The following ZNF710 variants were observed in gnomAD, a reference collection of about 807,000 sequenced individuals.
ZNF710 encodes zinc finger protein 710.
Under a neutral mutation model 50.6 loss-of-function variants are expected in ZNF710, and 13 were observed. The ratio of observed to expected loss-of-function variants is 0.26; its 90% CI spans 0.17 to 0.41. ZNF710 has a LOEUF of 0.41. Among genes scored for constraint, ZNF710 ranks in the 10% least tolerant of loss-of-function variants. The probability of loss-of-function intolerance (pLI) is 1.00; values close to 1 mark genes in which losing one functional copy is unlikely to be tolerated. For synonymous variants in ZNF710, 383 were observed against 397.0 expected, an observed-to-expected ratio of 0.96 and a Z score of 0.42; for missense variants, 721 against 936.6, an observed-to-expected ratio of 0.77 and a Z score of 3.01.
Position 90,078,211 on chromosome 15 carries a change from C to CAAA in ZNF710, c.1826-1434_1826-1432dup, listed in dbSNP as rs35832666. 4.4e-3 allele frequency among the ~76,000 whole-genome samples: 516 copies of CAAA among 116,224 alleles called. 5 individuals are homozygous for CAAA. The highest frequency in any genetic ancestry group is 6.4e-3 in the Admixed American group (72 of 11,206). The allele number at this position is 116,224 out of a possible 152,430, so 76.2% of individuals were successfully genotyped here. A position where few individuals can be genotyped will look rare whatever the true frequency, so the allele number is the denominator to read the frequency against. On this transcript the variant is annotated intron_variant, in intron 4 of 4. Transcript: ENST00000268154. ...GGGCAACAAGAGCGAAACTCGGTCT[C>CAAA]AAAAAAAAAAAAAAAAAGAAGAGAA... is the stretch of plus-strand genomic sequence containing the variant.
Position 90,062,084 on chromosome 15 carries a change from G to C in ZNF710, c.-28-5026G>C, listed in dbSNP as rs555003511. On this transcript the variant is annotated intron_variant, in intron 1 of 4. Coordinates refer to ENST00000268154, the MANE Select transcript of ZNF710 (RefSeq NM_198526.4). This position sits in a 1 kb window ranked among gnomAD's most constrained non-coding sequence, Gnocchi z 5.6. Reference sequence around the variant, plus strand: ...GGAAATAGGGCAGTCCTGGGCTTCCGGTGTCACTGCACGCCCCTCCCCCTC... The same window carrying C: ...GGAAATAGGGCAGTCCTGGGCTTCCCGTGTCACTGCACGCCCCTCCCCCTC... 6.6e-6 allele frequency among the ~76,000 whole-genome samples: 1 copy of C among 151,814 alleles called. No homozygotes were observed. Among genetic ancestry groups the C allele is most frequent in the Non-Finnish European group, 1.5e-5 (1 of 67,922 alleles).
intron 1 of ZNF710, 78 bp downstream of exon 1, chr15:90,001,692 G>A (rs1488788686): frequency 7.0e-6 from 1 of 143,784 alleles, no homozygotes; most frequent in African/African-American, 2.5e-5. Context: ...GCGGGGGCGC[G>A]GGGGGCGCGG....
intron 1 of ZNF710, among the ~76,000 whole-genome samples, chr15:90,020,580 C>T (rs1022612684): frequency 1.3e-5 from 2 of 152,218 alleles, no homozygotes; most frequent in African/African-American, 2.4e-5. Flanking sequence ...AGGGACGTTT[C>T]GGTTTCTGTG....
At chr15:90,041,198 TTGTC>T (rs1387491191) in intron 1 of ZNF710, among the ~76,000 whole-genome samples, 1 of 152,108 alleles carries the variant, frequency 6.6e-6, no homozygotes, top group African/African-American at 2.4e-5. Context: ...TTCTCTTTGT[TTGTC>T]TGTTTGGTTG....
intron 1 of ZNF710, among the ~76,000 whole-genome samples, chr15:90,021,019 C>A (rs75331745): frequency 1.5e-4 from 6 of 40,406 alleles, no homozygotes; most frequent in Non-Finnish European, 3.7e-4. Flanking sequence ...ACCCCCCCCC[C>A]CTTAGCAGCC....
At chr15:90,000,798 G>T (rs1397843372), upstream of ZNF710, among the ~76,000 whole-genome samples, 1 of 152,060 alleles carries the variant, frequency 6.6e-6, no homozygotes, top group Non-Finnish European at 1.5e-5. Context: ...CCCAGGAGCC[G>T]CACCCGTGCC....
chr15:90,039,669 C>G (rs1184787641), intron 1 of ZNF710, among the ~76,000 whole-genome samples: 1 of 152,210 alleles, frequency 6.6e-6, no homozygotes, highest in Non-Finnish European at 1.5e-5. Flanking sequence ...TGCCCCACCC[C>G]TAATGGCCAT....
intron 1 of ZNF710, among the ~76,000 whole-genome samples, chr15:90,050,735 T>C (rs1355079807): frequency 6.6e-6 from 1 of 152,072 alleles, no homozygotes; most frequent in East Asian, 1.9e-4. Context: ...AGTGTCCATT[T>C]ATATGGAAGA....
intron 1 of ZNF710, among the ~76,000 whole-genome samples, chr15:90,039,972 G>A (rs1159417450): frequency 6.6e-6 from 1 of 152,192 alleles, no homozygotes; most frequent in Admixed American, 6.5e-5. Context: ...GTCTTTTGGG[G>A]GAAATTTGAG....
chr15:90,039,140 G>A (rs945299970), intron 1 of ZNF710, among the ~76,000 whole-genome samples: 2 of 152,122 alleles, frequency 1.3e-5, no homozygotes, highest in African/African-American at 4.8e-5. Context: ...TTAGCCAGGC[G>A]TGGTGGCAGG....
chr15:90,011,445 T>C (rs1413001785), intron 1 of ZNF710, among the ~76,000 whole-genome samples: 1 of 152,224 alleles, frequency 6.6e-6, no homozygotes, highest in African/African-American at 2.4e-5. Flanking sequence ...TTGGTGTCTA[T>C]ATATTTTTTT....
chr15:90,079,599 G>A (rs924569765), intron 4 of ZNF710, 61 bp from the exon 5 acceptor site: 1 of 1,584,218 alleles, frequency 6.3e-7, no homozygotes, highest in African/African-American at 1.4e-5. Flanking sequence ...CTTCCTGCGT[G>A]GGGGTGACTG....
At chr15:89,999,199 C>T (rs1221747279), upstream of ZNF710, among the ~76,000 whole-genome samples, 2 of 152,234 alleles carry the variant, frequency 1.3e-5, no homozygotes, top group African/African-American at 2.4e-5. Flanking sequence ...AGTCCAAGCA[C>T]CCTCTTAGGA....
At chr15:90,026,736 A>T (rs1272916425) in intron 1 of ZNF710, among the ~76,000 whole-genome samples, 1 of 152,226 alleles carries the variant, frequency 6.6e-6, no homozygotes. Context: ...AAAGCTTAAT[A>T]TAGTAACTAC....
At chr15:90,035,548 G>C (rs772807507) in intron 1 of ZNF710, among the ~76,000 whole-genome samples, 1 of 152,244 alleles carries the variant, frequency 6.6e-6, no homozygotes, top group Non-Finnish European at 1.5e-5. Context: ...CCTAACATCC[G>C]GCAGACCCTG....
chr15:90,041,640 C>T (rs1331950100), intron 1 of ZNF710, among the ~76,000 whole-genome samples: 5 of 152,188 alleles, frequency 3.3e-5, no homozygotes, highest in East Asian at 1.9e-4. Flanking sequence ...CTTGTTCTAA[C>T]GCAGCCTTTA....
chr15:90,060,141 C>T (rs1282597773), intron 1 of ZNF710, among the ~76,000 whole-genome samples: 1 of 150,824 alleles, frequency 6.6e-6, no homozygotes, highest in Non-Finnish European at 1.5e-5. Context: ...CCCAGAGATC[C>T]GGGTGCTTCA....
At position 90,068,535 on chromosome 15, in the gene ZNF710, T is replaced by C; in HGVS notation, c.1398T>C (p.Thr466=). Residue 466 remains threonine, a synonymous_variant, in exon 2 of 5, where the codon ACT becomes ACC. Transcript: ENST00000268154. This position sits in a 1 kb window ranked among gnomAD's most constrained non-coding sequence, Gnocchi z 5.0. ...KHQNVRPFVC[T]ECGMEFSQIH... ...AGAACGTGCGACCCTTCGTGTGCACTGAATGCGGCATGGAGTTCAGCCAGA... is the reference window on the plus strand; with the variant it reads ...AGAACGTGCGACCCTTCGTGTGCACCGAATGCGGCATGGAGTTCAGCCAGA... 6.2e-7 allele frequency: 1 copy of C among 1,612,212 alleles called. No homozygotes were observed. The highest frequency in any genetic ancestry group is 8.5e-7 in the Non-Finnish European group (1 of 1,179,978).
chr15:90,027,365 C>T (rs1450758364), intron 1 of ZNF710, among the ~76,000 whole-genome samples: 1 of 152,044 alleles, frequency 6.6e-6, no homozygotes, highest in Non-Finnish European at 1.5e-5. Flanking sequence ...CGTGTGCCAC[C>T]AACCCGGCTA....
Sources: allele counts gnomAD v4.1 joint callset (sites outside exome capture counted in the v4.1 genomes callset), GRCh38; gene constraint gnomAD v4.1.1; non-coding constraint Gnocchi (gnomAD v3.1); transcripts MANE v1.5; gene names NCBI Gene and HGNC (gene_info 2026-07-23, HGNC 2026-07-21).